Variants in ANO1 observed in about 807,000 individuals in gnomAD.
ANO1 encodes anoctamin-1.
ANO1 carries 59 observed loss-of-function variants against 124.0 expected under a neutral mutation model. That is an observed-to-expected ratio of 0.48 (90% CI 0.39 to 0.59). The LOEUF is 0.59. Among genes scored for constraint, ANO1 ranks in the 20% least tolerant of loss-of-function variants. The probability of loss-of-function intolerance (pLI) is 0.00; values close to 1 mark genes in which losing one functional copy is unlikely to be tolerated. For synonymous variants in ANO1, 529 were observed against 532.0 expected, an observed-to-expected ratio of 0.99 and a Z score of 0.08; for missense variants, 1,059 against 1,328.0, an observed-to-expected ratio of 0.80 and a Z score of 3.15.
intron 25 of ANO1, among the ~76,000 whole-genome samples, chr11:70,186,289 A>G (rs1203511774): frequency 3.3e-5 from 5 of 150,834 alleles, no homozygotes; most frequent in Non-Finnish European, 7.4e-5. Context: ...CTCCATCTCA[A>G]AAAAGAGAGA....
At chr11:70,055,971 C>G (rs1472546186) in intron 1 of ANO1, among the ~76,000 whole-genome samples, 245 of 152,138 alleles carry the variant, frequency 1.6e-3, no homozygotes, top group African/African-American at 5.7e-3. Flanking sequence ...CATTTACCTT[C>G]CCTCCCACCC....
chr11:70,032,332 C>T (rs1465135916), intron 1 of ANO1, among the ~76,000 whole-genome samples: 6 of 152,144 alleles, frequency 3.9e-5, no homozygotes, highest in African/African-American at 1.2e-4. Context: ...AAAGAGACCC[C>T]AGTGATGGTC....
At chr11:70,170,248 G>T (rs147915582) in intron 21 of ANO1, 1 of 444,010 alleles carries the variant, frequency 2.3e-6, no homozygotes, top group Non-Finnish European at 4.5e-6. Context: ...ATGGGCAGGG[G>T]GATGACCACA....
intron 1 of ANO1, among the ~76,000 whole-genome samples, chr11:70,069,916 C>T (rs782669244): frequency 2.4e-4 from 36 of 151,590 alleles, no homozygotes; most frequent in Non-Finnish European, 4.6e-4. Context: ...GATGAGTTGT[C>T]GTATGTGTAT....
intron 11 of ANO1, among the ~76,000 whole-genome samples, chr11:70,137,228 C>A (rs1270116599): frequency 6.8e-6 from 1 of 146,768 alleles, no homozygotes; most frequent in East Asian, 2.0e-4. Flanking sequence ...CACACTGTAT[C>A]CGAACAGCGG....
chr11:70,078,075 G>A (rs572174224), upstream of ANO1, among the ~76,000 whole-genome samples: 1 of 152,268 alleles, frequency 6.6e-6, no homozygotes, highest in Non-Finnish European at 1.5e-5. Flanking sequence ...CCTGCCACTC[G>A]GGGACTTTAT....
chr11:70,069,825 T>C (rs1857825640), intron 1 of ANO1, among the ~76,000 whole-genome samples: 1 of 152,168 alleles, frequency 6.6e-6, no homozygotes, highest in South Asian at 2.1e-4. Flanking sequence ...AGGAAGAGCT[T>C]CTGGATGGAC....
chr11:69,991,580 G>T (rs552742227), intron 1 of ANO1, among the ~76,000 whole-genome samples: 1 of 152,346 alleles, frequency 6.6e-6, no homozygotes, highest in Non-Finnish European at 1.5e-5. Context: ...TGTGGAAATA[G>T]TTCACACAGT....
upstream of ANO1, among the ~76,000 whole-genome samples, chr11:70,073,544 A>G (rs192013173): frequency 1.1e-3 from 173 of 152,264 alleles, 1 homozygote; most frequent in African/African-American, 4.0e-3. Flanking sequence ...GAAGGAGAGT[A>G]AAGAGTGCAG....
At chr11:69,996,415 T>C (rs188428785) in intron 1 of ANO1, among the ~76,000 whole-genome samples, 1 of 152,346 alleles carries the variant, frequency 6.6e-6, no homozygotes, top group Admixed American at 6.5e-5. Context: ...AGTTGTGCCC[T>C]GACTTCTACT....
upstream of ANO1, among the ~76,000 whole-genome samples, chr11:69,985,172 C>T (rs115080546): frequency 6.7e-3 from 1,025 of 152,356 alleles, 14 homozygotes; most frequent in African/African-American, 0.023. Flanking sequence ...ACAGGCTGTG[C>T]ATCAGAGTCC....
intron 1 of ANO1, among the ~76,000 whole-genome samples, chr11:70,083,127 A>G (rs1160278525): frequency 2.0e-5 from 3 of 152,170 alleles, no homozygotes; most frequent in African/African-American, 7.2e-5. Context: ...CACTCTGGCC[A>G]CAAGATTTTT....
intron 22 of ANO1, among the ~76,000 whole-genome samples, chr11:70,177,560 CG>C (rs1326471659): frequency 4.0e-5 from 6 of 149,968 alleles, no homozygotes; most frequent in Non-Finnish European, 8.9e-5. Flanking sequence ...GGACCAGAGC[CG>C]AGGAGTCTCG....
At chr11:70,150,029 A>C in intron 12 of ANO1, 6 of 616,222 alleles carry the variant, frequency 9.7e-6, no homozygotes, top group Non-Finnish European at 1.5e-5. Flanking sequence ...TTTCATCCCC[A>C]TGCTCACATG....
intron 10 of ANO1, among the ~76,000 whole-genome samples, chr11:70,131,322 T>C (rs201560806): frequency 2.0e-5 from 2 of 100,662 alleles, no homozygotes; most frequent in African/African-American, 6.2e-5. Context: ...TGTGTGTGTG[T>C]GTGTGTGTGT....
intron 1 of ANO1, among the ~76,000 whole-genome samples, chr11:70,009,278 T>C (rs4980726): frequency 0.78 from 117,829 of 151,960 alleles, 46,037 homozygotes; most frequent in East Asian, 1. Context: ...CGAATGTGGT[T>C]GTGTGAGGTC....
intron 1 of ANO1, among the ~76,000 whole-genome samples, chr11:70,020,369 G>A (rs1287376109): frequency 6.6e-6 from 1 of 152,084 alleles, no homozygotes; most frequent in African/African-American, 2.4e-5. Flanking sequence ...CAGGACAGCC[G>A]CACTCCACTG....
upstream of ANO1, among the ~76,000 whole-genome samples, chr11:70,077,447 T>C (rs1322613158): frequency 6.6e-6 from 1 of 152,186 alleles, no homozygotes; most frequent in African/African-American, 2.4e-5. Flanking sequence ...GCATGGCCCC[T>C]GGGGCTTAAC....
At chr11:70,094,411 G>T (rs558637476) in intron 2 of ANO1, among the ~76,000 whole-genome samples, 1 of 152,232 alleles carries the variant, frequency 6.6e-6, no homozygotes, top group Non-Finnish European at 1.5e-5. Context: ...ACTGGCAGGG[G>T]CTGGGGAGAG....
Sources: allele counts gnomAD v4.1 joint callset (sites outside exome capture counted in the v4.1 genomes callset), GRCh38; gene constraint gnomAD v4.1.1; transcripts MANE v1.5; gene names NCBI Gene and HGNC (gene_info 2026-07-23, HGNC 2026-07-21).